The following SPATA6 variants were observed in gnomAD, a reference collection of about 807,000 sequenced individuals.
SPATA6 encodes the protein spermatogenesis associated 6, also known as spermatogenesis-associated protein 6.
Under a neutral mutation model 65.3 loss-of-function variants are expected in SPATA6, and 56 were observed. That is an observed-to-expected ratio of 0.86 (90% CI 0.69 to 1.07). SPATA6 has a LOEUF of 1.07. Ranked by LOEUF, SPATA6 falls within the 50% of genes least tolerant of loss-of-function variation. SPATA6 has a pLI of 0.00. For missense variants in SPATA6, 590 were observed against 594.8 expected (o/e 0.99, Z 0.08); for synonymous variants, 199 against 213.2 (o/e 0.93, Z 0.58).
chr1:48,365,407 G>A (rs1340478488), intron 9 of SPATA6, among the ~76,000 whole-genome samples: 3 of 152,068 alleles, frequency 2.0e-5, no homozygotes, highest in Non-Finnish European at 2.9e-5. Context: ...CCATTTTCAC[G>A]ATATTGATTC....
chr1:48,372,866 C>A (rs931993653), intron 9 of SPATA6, among the ~76,000 whole-genome samples: 13 of 152,208 alleles, frequency 8.5e-5, no homozygotes, highest in Non-Finnish European at 1.8e-4. Context: ...AAATTGGCCC[C>A]TTTAGCCATG....
chr1:48,386,664 C>T (rs1649503489), intron 8 of SPATA6, among the ~76,000 whole-genome samples: 2 of 152,206 alleles, frequency 1.3e-5, no homozygotes, highest in Non-Finnish European at 2.9e-5. Flanking sequence ...CAGCTGTCCA[C>T]ATTATCACCA....
intron 9 of SPATA6, among the ~76,000 whole-genome samples, chr1:48,368,063 T>C (rs1199697276): frequency 1.9e-4 from 29 of 152,170 alleles, no homozygotes; most frequent in Non-Finnish European, 1.5e-5. Flanking sequence ...GAAGCTTAGT[T>C]TGGCTGGATA....
In SPATA6 at chr1:48,455,039, A is replaced by G. The variant is rs1656894749; in HGVS notation, c.52-1908T>C. On this transcript the variant is annotated intron_variant, in intron 1 of 12. Transcript: ENST00000371847. ...TACTCTATGTTCCCCTTTTGCTCTA[A>G]TATATTCCCAATTGATCATTAAAAC... Among the ~76,000 whole-genome samples, 2 of 152,242 alleles carry G rather than the reference A, an allele frequency of 1.3e-5. 1 individual carries two copies.
chr1:48,331,196 T>A (rs1292237802), intron 11 of SPATA6, among the ~76,000 whole-genome samples: 1 of 152,096 alleles, frequency 6.6e-6, no homozygotes, highest in Non-Finnish European at 1.5e-5. Flanking sequence ...ACAACCACAC[T>A]AACTCTCCAG....
intron 11 of SPATA6, among the ~76,000 whole-genome samples, chr1:48,329,328 G>T (rs1645849438): frequency 6.6e-6 from 1 of 152,106 alleles, no homozygotes; most frequent in Admixed American, 6.5e-5. Flanking sequence ...ATTAGAAATG[G>T]CTTAAAATCA....
At chr1:48,459,198 C>T (rs2148180108) in intron 1 of SPATA6, among the ~76,000 whole-genome samples, 1 of 117,284 alleles carries the variant, frequency 8.5e-6, no homozygotes. Flanking sequence ...CTGCGAGACT[C>T]CATATCAAAA....
At chr1:48,279,987 A>C in the SPATA6 span, among the ~76,000 whole-genome samples, 4 of 152,270 alleles carry the variant, frequency 2.6e-5, no homozygotes, top group Non-Finnish European at 4.4e-5. Flanking sequence ...ACTGTCTCTC[A>C]GACCACAGTG....
the SPATA6 span, among the ~76,000 whole-genome samples, chr1:48,274,946 C>G: frequency 6.6e-6 from 1 of 152,260 alleles, no homozygotes; most frequent in Non-Finnish European, 1.5e-5. Context: ...CTCATTTTTA[C>G]TATATTGATT....
the SPATA6 span, among the ~76,000 whole-genome samples, chr1:48,278,980 C>T: frequency 6.6e-6 from 1 of 152,200 alleles, no homozygotes; most frequent in Admixed American, 6.5e-5. Flanking sequence ...AACAGCGGAT[C>T]TCTCGGCAGA....
chr1:48,385,166 T>A (rs987057942), intron 9 of SPATA6, 143 bp downstream of exon 9: 2 of 776,480 alleles, frequency 2.6e-6, no homozygotes, highest in Admixed American at 4.1e-5. Flanking sequence ...GTAACCAAAA[T>A]AACATTATAT....
intron 1 of SPATA6, among the ~76,000 whole-genome samples, chr1:48,465,145 A>C (rs1657721561): frequency 1.3e-5 from 2 of 152,164 alleles, no homozygotes; most frequent in Admixed American, 6.6e-5. Flanking sequence ...AGAAAACAAG[A>C]ATACACTTTT....
At chr1:48,453,675 TTTAG>T in intron 1 of SPATA6, among the ~76,000 whole-genome samples, 1 of 152,308 alleles carries the variant, frequency 6.6e-6, no homozygotes, top group East Asian at 1.9e-4. Context: ...CTTTAACTTA[TTTAG>T]TTATATAGTT....
intron 11 of SPATA6, among the ~76,000 whole-genome samples, chr1:48,349,330 C>T (rs1314458305): frequency 1.3e-5 from 2 of 151,930 alleles, no homozygotes; most frequent in African/African-American, 2.4e-5. Context: ...GACCACTGAA[C>T]TAGAATATAG....
At chr1:48,378,835 C>T (rs1256905084) in intron 9 of SPATA6, among the ~76,000 whole-genome samples, 1 of 152,124 alleles carries the variant, frequency 6.6e-6, no homozygotes, top group Non-Finnish European at 1.5e-5. Flanking sequence ...ATGGAATCAA[C>T]CTAATTGCCT....
the SPATA6 span, among the ~76,000 whole-genome samples, chr1:48,274,256 G>C: frequency 5.2e-3 from 789 of 152,100 alleles, 15 homozygotes; most frequent in East Asian, 0.058. Flanking sequence ...ATGTCAGATG[G>C]ATAGATTGCA....
At chr1:48,414,995 T>TA (rs79060900) in intron 3 of SPATA6, among the ~76,000 whole-genome samples, 1,615 of 141,118 alleles carry the variant, frequency 0.011, 22 homozygotes, top group African/African-American at 0.033. Context: ...ACAGAAATTC[T>TA]AAAAAAAAAA....
chr1:48,436,827 C>T lies in SPATA6; in HGVS notation c.238+14725G>A, dbSNP rs1187989130. The T allele has an allele frequency of 1.1e-5, 17 of 1,613,020 alleles. No homozygotes were observed. The African/African-American group carries it at 2.1e-4, about 20-fold the overall frequency. On this transcript the variant is annotated intron_variant, in intron 3 of 12. Transcript: ENST00000371847. ...AGAAACTGAAAGGTCCTCCTTATAGCCCATTGGATATCAGTATTTTCCCTC... is the reference window on the plus strand; with the variant it reads ...AGAAACTGAAAGGTCCTCCTTATAGTCCATTGGATATCAGTATTTTCCCTC...
the SPATA6 span, among the ~76,000 whole-genome samples, chr1:48,283,989 G>T: frequency 6.6e-6 from 1 of 152,038 alleles, no homozygotes; most frequent in African/African-American, 2.4e-5. Context: ...TTGCTAGGTT[G>T]GGGAAGTTCT....
Sources: allele counts gnomAD v4.1 joint callset (sites outside exome capture counted in the v4.1 genomes callset), GRCh38; gene constraint gnomAD v4.1.1; transcripts MANE v1.5; gene names NCBI Gene and HGNC (gene_info 2026-07-23, HGNC 2026-07-21).